RPL28: variants seen among roughly 807,000 people sequenced by gnomAD.
RPL28 encodes large ribosomal subunit protein eL28.
RPL28 carries 4 observed loss-of-function variants against 12.5 expected under a neutral mutation model. The observed-to-expected ratio is 0.32, with a 90% CI of 0.16 to 0.73. The LOEUF (loss-of-function observed/expected upper bound fraction) is 0.73. Ranked by LOEUF, RPL28 falls within the 30% of genes least tolerant of loss-of-function variation. The pLI is 0.66. For missense variants in RPL28, 214 were observed against 197.7 expected, an observed-to-expected ratio of 1.08 and a Z score of -0.49; for synonymous variants, 91 against 72.5, an observed-to-expected ratio of 1.26 and a Z score of -1.30.
chr19:55,391,008 C>T lies in RPL28; in HGVS notation c.*2676C>T. The stretch of plus-strand genomic sequence containing the variant: ...ATATTAAGAAAACAGGCAGGCTCAC[C>T]ATAGTAAAAATGCTGAAAGCCAAAG... On this transcript the variant is annotated 3_prime_UTR_variant, in exon 5 of 5. Transcript: ENST00000344063. 1 of 968,550 alleles carries T rather than the reference C, an allele frequency of 1.0e-6. No homozygotes were observed. The highest frequency in any genetic ancestry group is 1.2e-6 in the Non-Finnish European group (1 of 814,610). The allele number at this position is 968,550 out of a possible 1,614,324, so 60.0% of individuals were successfully genotyped here.
At chr19:55,387,028 G>C in intron 3 of RPL28, 1 of 1,442,986 alleles carries the variant, frequency 6.9e-7, no homozygotes, top group Non-Finnish European at 9.1e-7. Context: ...TCCCACAGGT[G>C]GGAAGATTGA....
chr19:55,390,127 G>A lies in RPL28; in HGVS notation c.*1795G>A, dbSNP rs760166723. On this transcript the variant is annotated 3_prime_UTR_variant, in exon 5 of 5. Transcript: ENST00000344063. Reference sequence around the variant, plus strand: ...TGCTGGTGGGCAAGGGGTTTGTCTAGCACACCAGCATATAATGAGATGCTT... The same window carrying A: ...TGCTGGTGGGCAAGGGGTTTGTCTAACACACCAGCATATAATGAGATGCTT... The A allele has an allele frequency of 3.2e-4, 315 of 985,342 alleles. No homozygotes were observed. The highest frequency in any genetic ancestry group is 3.7e-4 in the Non-Finnish European group (307 of 829,980). 61.0% of individuals were successfully genotyped at this position (985,342 alleles called of 1,614,324 possible). A position where few individuals can be genotyped will look rare whatever the true frequency, so the allele number is the denominator to read the frequency against.
Position 55,389,454 on chromosome 19 carries a change from C to T in RPL28, c.*1122C>T. 1.0e-6 allele frequency: 1 copy of T among 985,456 alleles called. No homozygotes were observed. The highest frequency in any genetic ancestry group is 1.2e-6 in the Non-Finnish European group (1 of 829,958). 61.0% of individuals were successfully genotyped at this position (985,456 alleles called of 1,614,324 possible). A position where few individuals can be genotyped will look rare whatever the true frequency, so the allele number is the denominator to read the frequency against. ...CTGCCAGGGACCAAGGATCCAGCATCCATGGCACCCCTGGTTCCTGCCATC... is the reference window on the plus strand; with the variant it reads ...CTGCCAGGGACCAAGGATCCAGCATTCATGGCACCCCTGGTTCCTGCCATC... On this transcript the variant is annotated 3_prime_UTR_variant, in exon 5 of 5. Coordinates refer to ENST00000344063, the MANE Select transcript of RPL28 (RefSeq NM_000991.5).
At chr19:55,396,785 T>C (rs1300092910), downstream of RPL28, among the ~76,000 whole-genome samples, 2 of 150,404 alleles carry the variant, frequency 1.3e-5, no homozygotes, top group African/African-American at 2.5e-5. Flanking sequence ...TTTCACCGTG[T>C]TAGCCAGGAT....
rs892111445 is a variant in RPL28, at chr19:55,389,778, C to T, written c.*1446C>T. The T allele has an allele frequency of 3.0e-6, 3 of 985,410 alleles. No individual in the cohort carries two copies. The African/African-American group carries it at 5.2e-5, about 17-fold the overall frequency. The allele number at this position is 985,410 out of a possible 1,614,324, so 61.0% of individuals were successfully genotyped here. Reference sequence around the variant, plus strand: ...ATTAGCTCAGATTGAGAGGTGTTGCCTTAAAACTGAGTTGGGTGACTTGGT... The same window carrying T: ...ATTAGCTCAGATTGAGAGGTGTTGCTTTAAAACTGAGTTGGGTGACTTGGT... On this transcript the variant is annotated 3_prime_UTR_variant, in exon 5 of 5. Transcript: ENST00000344063.
intron 4 of RPL28, chr19:55,401,596 G>A (rs1217946445): frequency 2.5e-6 from 4 of 1,607,696 alleles, no homozygotes; most frequent in South Asian, 1.1e-5. Flanking sequence ...ACTGGCCAGG[G>A]CCCGACCGGC....
downstream of RPL28, among the ~76,000 whole-genome samples, chr19:55,396,016 G>A (rs940361564): frequency 3.3e-5 from 5 of 152,050 alleles, no homozygotes; most frequent in Non-Finnish European, 5.9e-5. Context: ...GGTGGCACAT[G>A]CCTGTTATCC....
chr19:55,390,733 G>T lies in RPL28; in HGVS notation c.*2401G>T. Reference sequence around the variant, plus strand: ...TGTGTGGCTGGGCTGGGGAGGCCACGTCTGGTATCTGAATGCTATCGGTGG... The same window carrying T: ...TGTGTGGCTGGGCTGGGGAGGCCACTTCTGGTATCTGAATGCTATCGGTGG... On this transcript the variant is annotated 3_prime_UTR_variant, in exon 5 of 5. Coordinates refer to ENST00000344063, the MANE Select transcript of RPL28 (RefSeq NM_000991.5). 1 of 985,484 alleles carries T rather than the reference G, an allele frequency of 1.0e-6. No individual in the cohort carries two copies. Among genetic ancestry groups the T allele is most frequent in the Non-Finnish European group, 1.2e-6 (1 of 829,980 alleles). The allele number at this position is 985,484 out of a possible 1,614,324, so 61.0% of individuals were successfully genotyped here. A position where few individuals can be genotyped will look rare whatever the true frequency, so the allele number is the denominator to read the frequency against.
chr19:55,391,479 G>A lies in RPL28; in HGVS notation c.*3147G>A. 10 of 1,383,002 alleles carry A rather than the reference G, an allele frequency of 7.2e-6. No homozygotes were observed. The highest frequency in any genetic ancestry group is 9.5e-6 in the Non-Finnish European group (10 of 1,056,778). 85.7% of individuals were successfully genotyped at this position (1,383,002 alleles called of 1,614,324 possible). ...ACCCTGGAAGGCTGCCAAGCCCAAA[G>A]TTGTGCAGAGCGCTGGGGACTCCAG... On this transcript the variant is annotated 3_prime_UTR_variant, in exon 5 of 5. Transcript: ENST00000344063.
At chr19:55,396,706 G>C (rs1260888188), downstream of RPL28, among the ~76,000 whole-genome samples, 1 of 144,446 alleles carries the variant, frequency 6.9e-6, no homozygotes, top group East Asian at 2.1e-4. Flanking sequence ...TCAGCCTCCC[G>C]AGTAACTGGG....
chr19:55,403,016 TCAGCAACACCG>T lies in RPL28; in HGVS notation c.403_413del (p.Asn135GlnfsTer27). On this transcript the variant is annotated frameshift_variant, in exon 5 of 5. Coordinates refer to the RPL28 transcript ENST00000560055. LOFTEE classifies it low-confidence loss of function (END_TRUNC). Reference sequence around the variant, plus strand: ...CAGCCTAGACCAGGACGCCTCCACCTCAGCAACACCGCAGCCAGGTCATTCTGTGTCATGGA... The same window carrying T: ...CAGCCTAGACCAGGACGCCTCCACCTCAGCCAGGTCATTCTGTGTCATGGA... 5 of 1,521,202 alleles carry T rather than the reference TCAGCAACACCG, an allele frequency of 3.3e-6. No individual in the cohort carries two copies. The highest frequency in any genetic ancestry group is 4.4e-6 in the Non-Finnish European group (5 of 1,133,858). 94.2% of individuals were successfully genotyped at this position (1,521,202 alleles called of 1,614,324 possible).
At chr19:55,392,472 A>G (rs1424891635), downstream of RPL28, among the ~76,000 whole-genome samples, 7 of 151,712 alleles carry the variant, frequency 4.6e-5, no homozygotes, top group East Asian at 1.9e-4. Flanking sequence ...GGCACAAGCA[A>G]TCCTCCTGAC....
chr19:55,387,348 G>A (rs2089942106), intron 3 of RPL28: 1 of 1,551,538 alleles, frequency 6.4e-7, no homozygotes, highest in South Asian at 1.2e-5. Context: ...TTACTCAGTG[G>A]CAGCAACAAA....
intron 3 of RPL28, chr19:55,387,061 C>G: frequency 7.0e-7 from 1 of 1,427,912 alleles, no homozygotes; most frequent in Non-Finnish European, 9.2e-7. Context: ...GAGGGGCCCT[C>G]GCTACCACAC....
chr19:55,397,099 C>T lies in RPL28; in HGVS notation c.325-5844C>T, dbSNP rs571342818. Among the ~76,000 whole-genome samples the T allele has an allele frequency of 1.4e-4, 22 of 152,158 alleles. No homozygotes were observed. In the East Asian group the frequency reaches 3.7e-3, roughly 26 times the overall value. ...TTCGCCATGTTGCCCAGGCTGGTCTCGAACTTGTGAGCTCAAGCCATCTGC... is the reference window on the plus strand; with the variant it reads ...TTCGCCATGTTGCCCAGGCTGGTCTTGAACTTGTGAGCTCAAGCCATCTGC... On this transcript the variant is annotated intron_variant, in intron 4 of 4. Transcript: ENST00000560055.
chr19:55,387,547 C>G, intron 3 of RPL28: 2 of 1,430,300 alleles, frequency 1.4e-6, no homozygotes, highest in Middle Eastern at 2.6e-4. Flanking sequence ...CTCAGCCAAG[C>G]TGATGTTGAA....
At chr19:55,401,253 G>A (rs534629586) in intron 4 of RPL28, 17 of 714,564 alleles carry the variant, frequency 2.4e-5, no homozygotes, top group East Asian at 1.9e-4. Flanking sequence ...ACCATGCAGC[G>A]GTCCTGGGGC....
downstream of RPL28, among the ~76,000 whole-genome samples, chr19:55,396,494 A>T (rs190144594): frequency 0.046 from 35 of 756 alleles, 1 homozygote; most frequent in African/African-American, 0.14. Flanking sequence ...TCCCCTCCCC[A>T]CCCCTCCCCT....
At chr19:55,386,949 T>A in intron 3 of RPL28, 1 of 1,461,254 alleles carries the variant, frequency 6.8e-7, no homozygotes, top group Admixed American at 2.6e-5. Flanking sequence ...TTGTTGAGAG[T>A]TAAGGCACGG....
Sources: gnomAD v4.1 joint callset for allele counts (sites outside exome capture counted in the v4.1 genomes callset) on GRCh38, gnomAD v4.1.1 for gene constraint, MANE v1.5 for transcripts, NCBI Gene and HGNC (gene_info 2026-07-23, HGNC 2026-07-21) for gene names.